LPA: variants seen among roughly 807,000 people sequenced by gnomAD.
The protein encoded by LPA is apolipoprotein(a).
In LPA, 199 loss-of-function variants were observed where a neutral mutation model predicts 197.9. That is an observed-to-expected ratio of 1.01 (90% CI 0.90 to 1.13). LPA has a LOEUF of 1.13. LPA is among the 50% of genes most tolerant of loss of function. The pLI is 0.00. For missense variants in LPA, 1,853 were observed against 1,785.8 expected (o/e 1.04, Z -0.68); for synonymous variants, 715 against 639.5 (o/e 1.12, Z -1.78).
chr6:160,537,986 T>C (rs57976993), intron 36 of LPA, 25 bp from the exon 37 acceptor site: 3 of 1,600,370 alleles, frequency 1.9e-6, no homozygotes, highest in South Asian at 1.1e-5. Context: ...TTAGCAGTTA[T>C]GTTTCACTGC....
At position 160,605,151 on chromosome 6, in the gene LPA, C is replaced by G; in HGVS notation, c.2840G>C (p.Ser947Thr). 6.2e-7 allele frequency: 1 copy of G among 1,614,014 alleles called. No individual in the cohort carries two copies. Among genetic ancestry groups the G allele is most frequent in the Non-Finnish European group, 8.5e-7 (1 of 1,179,884 alleles). The change falls in exon 18 of 39, where the codon AGT (serine) becomes ACT (threonine). Residue 947 changes from serine to threonine, a missense_variant. Transcript: ENST00000316300. ...VQECYHGNGQSYQGTYFITVT... is the reference protein window; with the variant it reads ...VQECYHGNGQTYQGTYFITVT... ...AGTAATGAAGTATGTGCCTTGATAA[C>G]TCTGTCCATTTCCGTGGTAGCACTC...
Position 160,599,656 on chromosome 6 carries a change from A to G in LPA, c.3131T>C (p.Leu1044Pro). 1.9e-6 allele frequency: 3 copies of G among 1,614,026 alleles called. No homozygotes were observed. The highest frequency in any genetic ancestry group is 2.5e-6 in the Non-Finnish European group (3 of 1,179,942). Residue 1044 changes from leucine to proline, a missense_variant, in exon 20 of 39, where the codon CTG (leucine) becomes CCG (proline). Around this residue, in one of 3 missense-constraint regions of LPA, gnomAD observed 1,737 missense variants for 1,504.4 expected, o/e 1.15. Coordinates refer to ENST00000316300, the MANE Select transcript of LPA (RefSeq NM_005577.4). Reference protein sequence around the residue: ...PSLEAFFEQALTEETPGVQDC... With the variant: ...PSLEAFFEQAPTEETPGVQDC... ...CTGTACCCCGGGGGTTTCCTCAGTC[A>G]GTGCTGAAATTAAAACAGAAGACAT...
In LPA at chr6:160,605,129, A is replaced by G. The variant is rs550019234; in HGVS notation, c.2862T>C (p.Ile954=). The stretch of plus-strand genomic sequence containing the variant: ...CTTGGCAGGTTCTTCCTGTGACAGT[A>G]ATGAAGTATGTGCCTTGATAACTCT... ...NGQSYQGTYF[I]TVTGRTCQAW... Residue 954 remains isoleucine, a synonymous_variant, in exon 18 of 39, where the codon ATT becomes ATC. Transcript: ENST00000316300. 3.7e-6 allele frequency: 6 copies of G among 1,613,974 alleles called. No individual in the cohort carries two copies. The highest frequency in any genetic ancestry group is 3.3e-5 in the South Asian group (3 of 91,064).
chr6:160,608,596 T>C (rs963522525), intron 16 of LPA, among the ~76,000 whole-genome samples: 5 of 152,158 alleles, frequency 3.3e-5, no homozygotes, highest in African/African-American at 4.8e-5. Flanking sequence ...TTTCTTTTTT[T>C]CGAAACGCCT....
chr6:160,555,455 A>ATATATG (rs1287454419), intron 30 of LPA, among the ~76,000 whole-genome samples: 59 of 133,078 alleles, frequency 4.4e-4, no homozygotes, highest in African/African-American at 1.1e-3. Flanking sequence ...ATATATATAT[A>ATATATG]TGTGTGTGTA....
intron 1 of LPA, among the ~76,000 whole-genome samples, chr6:160,658,247 C>T (rs1780163892): frequency 6.6e-6 from 1 of 152,208 alleles, no homozygotes; most frequent in Non-Finnish European, 1.5e-5. Context: ...CATCCCCACT[C>T]CAAGTTCCAG....
Position 160,595,500 on chromosome 6 carries a change from G to A in LPA, c.3323C>T (p.Ala1108Val), listed in dbSNP as rs779011730. 3.7e-6 allele frequency: 6 copies of A among 1,613,998 alleles called. No individual in the cohort carries two copies. The Middle Eastern group carries it at 6.6e-4, about 178-fold the overall frequency. Residue 1108 changes from alanine to valine, a missense_variant, in exon 21 of 39, where the codon GCT (alanine) becomes GTT (valine). Physicochemically the swap from Ala to Val is moderately conservative, Grantham distance 64 (BLOSUM62 0). Around this residue, in one of 3 missense-constraint regions of LPA, gnomAD observed 1,737 missense variants for 1,504.4 expected, o/e 1.15. Transcript: ENST00000316300. ...GGTGTAACACCAAGGGCGAATCTCAGCATCTGGATTCCTGCAGTAGTTCCT... is the reference window on the plus strand; with the variant it reads ...GGTGTAACACCAAGGGCGAATCTCAACATCTGGATTCCTGCAGTAGTTCCT... ...LTRNYCRNPD[A>V]EIRPWCYTMD...
chr6:160,542,578 A>T (rs1777997703), intron 34 of LPA, 110 bp downstream of exon 34: 1 of 1,498,800 alleles, frequency 6.7e-7, no homozygotes, highest in African/African-American at 1.4e-5. Flanking sequence ...TTCAGAAAAC[A>T]GAGAGGCAGG....
chr6:160,574,992 T>C (rs1266463477), intron 28 of LPA, among the ~76,000 whole-genome samples: 1 of 152,230 alleles, frequency 6.6e-6, no homozygotes, highest in Non-Finnish European at 1.5e-5. Context: ...CTGACTTTCA[T>C]TGTTTCTGAT....
intron 32 of LPA, among the ~76,000 whole-genome samples, chr6:160,545,970 C>A (rs1475247630): frequency 2.0e-5 from 3 of 152,220 alleles, no homozygotes; most frequent in Admixed American, 6.5e-5. Flanking sequence ...CCAAGACACA[C>A]AAAGGCAGTA....
intron 20 of LPA, 86 bp downstream of exon 20, chr6:160,599,414 C>T: frequency 6.4e-7 from 1 of 1,573,726 alleles, no homozygotes; most frequent in Admixed American, 1.7e-5. Flanking sequence ...CAAGTTGAGT[C>T]CTGAGCAGTC....
Position 160,599,561 on chromosome 6 carries a change from G to A in LPA, c.3226C>T (p.Gln1076Ter). ...YSTTVTGRTC[Q>*]AWSSMTPHQH... is the part of the protein sequence containing the mutation. ...TGTGGTGTCATAGATGACCAAGCTT[G>A]GCAAGTTCTTCCTGTGACAGTGGTG... is the stretch of plus-strand genomic sequence containing the variant. The change falls in exon 20 of 39, where the codon CAA (glutamine) becomes TAA (stop). Residue 1076 changes from glutamine to a stop codon, truncating the protein, a stop_gained. Coordinates refer to ENST00000316300, the MANE Select transcript of LPA (RefSeq NM_005577.4). LOFTEE classifies it high-confidence loss of function. 1 of 1,614,098 alleles carries A rather than the reference G, an allele frequency of 6.2e-7. No homozygotes were observed. The highest frequency in any genetic ancestry group is 8.5e-7 in the Non-Finnish European group (1 of 1,179,982).
intron 28 of LPA, among the ~76,000 whole-genome samples, chr6:160,561,542 T>A (rs1778362218): frequency 6.6e-6 from 1 of 152,212 alleles, no homozygotes; most frequent in Admixed American, 6.5e-5. Context: ...TTAGGTTGTC[T>A]TGGATATACA....
chr6:160,592,733 T>C (rs1385573960), intron 22 of LPA, among the ~76,000 whole-genome samples: 4 of 152,206 alleles, frequency 2.6e-5, no homozygotes, highest in Non-Finnish European at 4.4e-5. Flanking sequence ...TGGATCCTTT[T>C]AGACTGGCTT....
chr6:160,597,344 T>A (rs761326865), intron 20 of LPA, among the ~76,000 whole-genome samples: 9 of 152,204 alleles, frequency 5.9e-5, no homozygotes, highest in Non-Finnish European at 1.3e-4. Flanking sequence ...CAATCATACA[T>A]CACAAAAGCT....
At chr6:160,559,463 C>T (rs569003664) in intron 28 of LPA, among the ~76,000 whole-genome samples, 13 of 152,256 alleles carry the variant, frequency 8.5e-5, no homozygotes, top group Admixed American at 3.9e-4. Context: ...ATAAATAAAG[C>T]TCCTATAAAT....
At chr6:160,657,913 T>A (rs1780158953) in intron 1 of LPA, among the ~76,000 whole-genome samples, 1 of 152,148 alleles carries the variant, frequency 6.6e-6, no homozygotes, top group African/African-American at 2.4e-5. Context: ...CACCTCCTCA[T>A]GGGTCACACT....
At chr6:160,579,834 G>A (rs555226752) in intron 26 of LPA, among the ~76,000 whole-genome samples, 14 of 152,324 alleles carry the variant, frequency 9.2e-5, no homozygotes, top group African/African-American at 2.6e-4. Flanking sequence ...ACAACTGGAC[G>A]TATCAAGTGA....
Position 160,595,886 on chromosome 6 carries a change from C to T in LPA, c.3288-351G>A, listed in dbSNP as rs999647103. ...ACATTGTACAATGTTGTACAATGTACAAGAGGATCAGAATACCCTCCTTCC... is the reference window on the plus strand; with the variant it reads ...ACATTGTACAATGTTGTACAATGTATAAGAGGATCAGAATACCCTCCTTCC... On this transcript the variant is annotated intron_variant, in intron 20 of 38. Transcript: ENST00000316300. Among the ~76,000 whole-genome samples, 3 of 152,146 alleles carry T rather than the reference C, an allele frequency of 2.0e-5. No individual in the cohort carries two copies. The South Asian group carries it at 6.2e-4, about 32-fold the overall frequency.
Sources: allele counts gnomAD v4.1 joint callset (sites outside exome capture counted in the v4.1 genomes callset), GRCh38; gene constraint gnomAD v4.1.1; regional missense constraint gnomAD v4.1.1; transcripts MANE v1.5; gene names NCBI Gene and HGNC (gene_info 2026-07-23, HGNC 2026-07-21).